Variants in TTC39C observed in about 807,000 individuals in gnomAD.
The protein encoded by TTC39C is tetratricopeptide repeat protein 39C.
A neutral mutation model predicts 76.3 loss-of-function variants in TTC39C; 33 were observed. The observed-to-expected ratio is 0.43, with a 90% CI of 0.33 to 0.58. The LOEUF (loss-of-function observed/expected upper bound fraction) is 0.58, where lower values mean the gene tolerates loss of function less well. Ranked by LOEUF, TTC39C falls within the 20% of genes least tolerant of loss-of-function variation. The pLI is 0.04. For missense variants in TTC39C, 595 were observed against 701.4 expected (o/e 0.85, Z 1.71); for synonymous variants, 254 against 260.6 (o/e 0.97, Z 0.24).
chr18:24,055,359 G>A (rs1234782789), intron 1 of TTC39C, among the ~76,000 whole-genome samples: 2 of 152,192 alleles, frequency 1.3e-5, no homozygotes, highest in South Asian at 4.1e-4. Flanking sequence ...CCAACGGTAT[G>A]CAAAGGTTCC....
chr18:24,027,908 C>T (rs920641365), intron 1 of TTC39C, among the ~76,000 whole-genome samples: 1 of 152,058 alleles, frequency 6.6e-6, no homozygotes, highest in Admixed American at 6.6e-5. Context: ...GCTGCTTTTC[C>T]AGGCCTACAG....
intron 7 of TTC39C, among the ~76,000 whole-genome samples, chr18:24,116,843 T>TA (rs888179333): frequency 2.2e-5 from 3 of 136,892 alleles, no homozygotes; most frequent in Non-Finnish European, 4.5e-5. Context: ...TTTTTTTTTT[T>TA]AAGACAGGGT....
chr18:24,126,566 G>A (rs2085053824), intron 10 of TTC39C, among the ~76,000 whole-genome samples: 1 of 151,936 alleles, frequency 6.6e-6, no homozygotes, highest in African/African-American at 2.4e-5. Context: ...TCGAGTAGAT[G>A]TGTAACCCTC....
intron 1 of TTC39C, among the ~76,000 whole-genome samples, chr18:24,040,154 A>T (rs1216552845): frequency 6.6e-6 from 1 of 152,206 alleles, no homozygotes; most frequent in Non-Finnish European, 1.5e-5. Context: ...ATTATAATTT[A>T]AGAAGTCAGT....
chr18:24,019,865 GT>G, intron 1 of TTC39C: 1 of 1,526,952 alleles, frequency 6.5e-7, no homozygotes, highest in African/African-American at 1.4e-5. Flanking sequence ...TACAGAAAAA[GT>G]TTTTTGACTT....
chr18:23,999,765 C>T (rs2083298168), intron 1 of TTC39C, among the ~76,000 whole-genome samples: 1 of 152,234 alleles, frequency 6.6e-6, no homozygotes, highest in Admixed American at 6.5e-5. Flanking sequence ...GAGCTCCCCA[C>T]TGAGCAAGCA....
chr18:24,052,594 A>G (rs924030179), intron 1 of TTC39C, among the ~76,000 whole-genome samples: 1 of 152,240 alleles, frequency 6.6e-6, no homozygotes, highest in Admixed American at 6.5e-5. Flanking sequence ...TCTCTTAGAT[A>G]ACTTTGGTGG....
chr18:24,089,495 G>T (rs529212572), intron 6 of TTC39C, among the ~76,000 whole-genome samples: 4 of 152,310 alleles, frequency 2.6e-5, no homozygotes, highest in African/African-American at 7.2e-5. Context: ...CTAATTTGGT[G>T]TAGAGGATAT....
intron 11 of TTC39C, 92 bp downstream of exon 11, chr18:24,129,075 G>A (rs2145830880): frequency 1.4e-5 from 13 of 907,184 alleles, no homozygotes; most frequent in Non-Finnish European, 2.1e-5. Flanking sequence ...AGCACTGAAC[G>A]AAACCGAACC....
chr18:24,126,426 T>TAAAAAAA (rs35976434), intron 10 of TTC39C, among the ~76,000 whole-genome samples: 1 of 110,068 alleles, frequency 9.1e-6, no homozygotes, highest in Non-Finnish European at 1.8e-5. Context: ...CCTATTTCTT[T>TAAAAAAA]AAAAAAAAAA....
chr18:24,120,637 A>G (rs1209668353), intron 8 of TTC39C, among the ~76,000 whole-genome samples: 1 of 152,238 alleles, frequency 6.6e-6, no homozygotes, highest in African/African-American at 2.4e-5. Context: ...CATCACCAGC[A>G]TCCATCTCTG....
intron 3 of TTC39C, among the ~76,000 whole-genome samples, chr18:24,066,924 G>A (rs567869765): frequency 1.4e-4 from 22 of 152,254 alleles, no homozygotes; most frequent in Non-Finnish European, 2.6e-4. Context: ...TATTACAAAC[G>A]AGGAAACAGA....
At chr18:24,075,669 A>G (rs1245411447) in intron 4 of TTC39C, among the ~76,000 whole-genome samples, 1 of 140,964 alleles carries the variant, frequency 7.1e-6, no homozygotes, top group Non-Finnish European at 1.5e-5. Flanking sequence ...GAGCAATCCA[A>G]GTGAGACCTT....
chr18:24,022,719 T>G (rs894279728), intron 1 of TTC39C: 1 of 985,274 alleles, frequency 1.0e-6, no homozygotes, highest in African/African-American at 1.7e-5. Flanking sequence ...CCCAGTCTTG[T>G]GTAGGATAAA....
upstream of TTC39C, chr18:24,014,638 A>C: frequency 2.1e-6 from 1 of 465,744 alleles, no homozygotes; most frequent in Non-Finnish European, 3.2e-6. Context: ...GGTGCTGCTG[A>C]GTAATCCCCG....
intron 6 of TTC39C, among the ~76,000 whole-genome samples, chr18:24,094,613 A>G (rs1322092087): frequency 6.6e-6 from 1 of 152,248 alleles, no homozygotes; most frequent in Non-Finnish European, 1.5e-5. Flanking sequence ...AGACATGAAA[A>G]CAACATTATA....
chr18:24,128,814 A>T (rs1395970655), intron 10 of TTC39C, 72 bp from the exon 11 acceptor site: 1 of 1,200,834 alleles, frequency 8.3e-7, no homozygotes, highest in African/African-American at 1.5e-5. Flanking sequence ...CATTTACCTC[A>T]CTCTTCATGA....
chr18:24,091,643 A>AT (rs2084517726), intron 6 of TTC39C, among the ~76,000 whole-genome samples: 1 of 152,220 alleles, frequency 6.6e-6, no homozygotes, highest in Non-Finnish European at 1.5e-5. Context: ...AAAATGAAAC[A>AT]TTTGCGCTAT....
intron 6 of TTC39C, among the ~76,000 whole-genome samples, chr18:24,092,164 C>T (rs927240949): frequency 6.8e-6 from 1 of 146,154 alleles, no homozygotes; most frequent in Non-Finnish European, 1.5e-5. Context: ...AACATTTCTC[C>T]AAGGAAGATA....
Sources: allele counts gnomAD v4.1 joint callset (sites outside exome capture counted in the v4.1 genomes callset), GRCh38; gene constraint gnomAD v4.1.1; transcripts MANE v1.5; gene names NCBI Gene and HGNC (gene_info 2026-07-23, HGNC 2026-07-21).